The following ANKRD42 variants were observed in gnomAD, a reference collection of about 807,000 sequenced individuals.
ANKRD42 encodes the protein ankyrin repeat domain-containing protein 42.
A neutral mutation model predicts 51.5 loss-of-function variants in ANKRD42; 43 were observed. That is an observed-to-expected ratio of 0.83 (90% CI 0.65 to 1.08). The LOEUF is 1.08. ANKRD42 is among the 50% of genes least tolerant of loss of function. The pLI is 0.00. For missense variants in ANKRD42, 608 were observed against 629.3 expected (o/e 0.97, Z 0.36); for synonymous variants, 203 against 213.0 (o/e 0.95, Z 0.41).
At chr11:83,217,015 A>T (rs146458464) in intron 5 of ANKRD42, among the ~76,000 whole-genome samples, 1 of 150,924 alleles carries the variant, frequency 6.6e-6, no homozygotes, top group Non-Finnish European at 1.5e-5. Context: ...CAACAGGTCA[A>T]TCTGGGGGTC....
downstream of ANKRD42, chr11:83,256,119 C>T: frequency 2.4e-6 from 1 of 420,886 alleles, no homozygotes; most frequent in Non-Finnish European, 4.2e-6. Flanking sequence ...AGTTGTGCAC[C>T]TTCTCCCGAT....
At position 83,194,065 on chromosome 11, in the gene ANKRD42, G is replaced by T. The variant is rs551308618; in HGVS notation, c.-606G>T. On this transcript the variant is annotated 5_prime_UTR_variant, in exon 1 of 11. Transcript: ENST00000533342. Reference sequence around the variant, plus strand: ...TGAAAACCTCGGCCACTGCCGCAGCGTCTCTAGGGAGAGAGTTAGGGGAGA... The same window carrying T: ...TGAAAACCTCGGCCACTGCCGCAGCTTCTCTAGGGAGAGAGTTAGGGGAGA... 2.2e-6 allele frequency: 1 copy of T among 456,382 alleles called. No individual in the cohort carries two copies. Among genetic ancestry groups the T allele is most frequent in the Non-Finnish European group, 4.4e-6 (1 of 226,780 alleles). 28.3% of individuals were successfully genotyped at this position (456,382 alleles called of 1,614,324 possible). A position where few individuals can be genotyped will look rare whatever the true frequency, so the allele number is the denominator to read the frequency against.
downstream of ANKRD42, among the ~76,000 whole-genome samples, chr11:83,256,553 C>A (rs960450163): frequency 4.6e-5 from 7 of 151,946 alleles, no homozygotes; most frequent in African/African-American, 1.7e-4. Flanking sequence ...TTTCCTACCC[C>A]CCTCTCTTTT....
chr11:83,240,676 G>A (rs1202567654), intron 8 of ANKRD42, 83 bp from the exon 9 acceptor site: 1 of 1,487,230 alleles, frequency 6.7e-7, no homozygotes, highest in Non-Finnish European at 9.2e-7. Flanking sequence ...TGTACAGAGT[G>A]TAATCCCCTA....
At position 83,248,489 on chromosome 11, in the gene ANKRD42, A is replaced by G. The variant is rs1863610144; in HGVS notation, c.*285A>G. On this transcript the variant is annotated 3_prime_UTR_variant, in exon 11 of 11. Coordinates refer to ENST00000533342, the MANE Select transcript of ANKRD42 (RefSeq NM_001300975.2). ...TCAATCAGAATTCTAAGACAGCTAG[A>G]GGATATGTATATTTTAATATTCTAA... 9.2e-7 allele frequency: 1 copy of G among 1,086,564 alleles called. No individual in the cohort carries two copies. The allele number at this position is 1,086,564 out of a possible 1,614,324, so 67.3% of individuals were successfully genotyped here.
intron 9 of ANKRD42, among the ~76,000 whole-genome samples, chr11:83,243,658 T>A (rs1377101732): frequency 6.6e-6 from 1 of 152,040 alleles, no homozygotes; most frequent in African/African-American, 2.4e-5. Context: ...TATGTATGTA[T>A]GTATTTATTT....
chr11:83,250,003 A>G (rs560251670), downstream of ANKRD42, among the ~76,000 whole-genome samples: 4 of 152,264 alleles, frequency 2.6e-5, no homozygotes, highest in African/African-American at 7.2e-5. Flanking sequence ...TCCATTTTCT[A>G]TATTACAGAT....
rs771736349 is a variant in ANKRD42, at chr11:83,206,036, G to T, written c.223-22G>T. On this transcript the variant is annotated intron_variant, in intron 2 of 10. Coordinates refer to ENST00000533342, the MANE Select transcript of ANKRD42 (RefSeq NM_001300975.2). Reference sequence around the variant, plus strand: ...GTTAAAAACATCCACTTTATCACTTGTTAACATGGTTATTTTCTTAGTGTC... The same window carrying T: ...GTTAAAAACATCCACTTTATCACTTTTTAACATGGTTATTTTCTTAGTGTC... 6 of 1,589,984 alleles carry T rather than the reference G, an allele frequency of 3.8e-6. No homozygotes were observed. In the African/African-American group the frequency reaches 8.1e-5, roughly 21 times the overall value.
intron 7 of ANKRD42, among the ~76,000 whole-genome samples, chr11:83,230,309 TC>T (rs1863028637): frequency 6.6e-6 from 1 of 152,070 alleles, no homozygotes; most frequent in Non-Finnish European, 1.5e-5. Context: ...GCCTTGGTCT[TC>T]CAAAGTGCTA....
At position 83,228,252 on chromosome 11, in the gene ANKRD42, T is replaced by C. The variant is rs918983642; in HGVS notation, c.913+380T>C. Among the ~76,000 whole-genome samples the C allele has an allele frequency of 7.3e-4, 95 of 129,538 alleles. 1 individual carries two copies. In the Middle Eastern group the frequency reaches 0.011, roughly 15 times the overall value. The allele number at this position is 129,538 out of a possible 152,430, so 85.0% of individuals were successfully genotyped here. ...CTCTCTTTTTTTTTTTTTTTTTTTT[T>C]TTTTTTTTTTTTTTTTTAGACCGGG... On this transcript the variant is annotated intron_variant, in intron 7 of 10. Transcript: ENST00000533342.
At chr11:83,206,773 T>C (rs979307346) in intron 3 of ANKRD42, among the ~76,000 whole-genome samples, 6 of 152,232 alleles carry the variant, frequency 3.9e-5, no homozygotes, top group African/African-American at 1.4e-4. Context: ...GATATTTTGT[T>C]ATAGTAGTCC....
intron 5 of ANKRD42, among the ~76,000 whole-genome samples, chr11:83,222,660 T>G (rs1026683639): frequency 1.4e-4 from 22 of 152,108 alleles, no homozygotes; most frequent in African/African-American, 5.1e-4. Flanking sequence ...GAGGGAGGGA[T>G]GTGCGTGGTG....
intron 7 of ANKRD42, among the ~76,000 whole-genome samples, chr11:83,234,644 C>T (rs955401536): frequency 1.3e-5 from 2 of 152,176 alleles, no homozygotes; most frequent in African/African-American, 4.8e-5. Flanking sequence ...GGGCTAAATT[C>T]ATTCTGTCTC....
At position 83,248,576 on chromosome 11, in the gene ANKRD42, A is replaced by C. The variant is rs75371335; in HGVS notation, c.*372A>C. On this transcript the variant is annotated 3_prime_UTR_variant, in exon 11 of 11. Transcript: ENST00000533342. ...TTTCTTTCCATAGGGAAGTTTCTTCATCAATCATCATGGATGAATTAATTC... is the reference window on the plus strand; with the variant it reads ...TTTCTTTCCATAGGGAAGTTTCTTCCTCAATCATCATGGATGAATTAATTC... 4,797 of 990,218 alleles carry C rather than the reference A, an allele frequency of 4.8e-3. 120 individuals are homozygous for C. The African/African-American group carries it at 0.062, about 13-fold the overall frequency. The allele number at this position is 990,218 out of a possible 1,614,324, so 61.3% of individuals were successfully genotyped here.
At chr11:83,242,566 A>AGTTTTTTTTTTGTTT (rs144535611) in intron 9 of ANKRD42, among the ~76,000 whole-genome samples, 1 of 64,890 alleles carries the variant, frequency 1.5e-5, no homozygotes, top group Non-Finnish European at 3.1e-5. Context: ...ATGGTAGTTA[A>AGTTTTTTTTTTGTTT]GTTTTTTTTT....
At chr11:83,214,472 A>G (rs750044358) in intron 5 of ANKRD42, 9 of 979,444 alleles carry the variant, frequency 9.2e-6, no homozygotes, top group Non-Finnish European at 1.1e-5. Context: ...GTTTCTTTAA[A>G]CATGTATGAT....
chr11:83,213,544 G>T, intron 5 of ANKRD42: 1 of 1,255,690 alleles, frequency 8.0e-7, no homozygotes, highest in Non-Finnish European at 1.0e-6. Context: ...TTCACATATG[G>T]TATTATTAGT....
downstream of ANKRD42, among the ~76,000 whole-genome samples, chr11:83,251,224 A>T (rs1863669600): frequency 1.3e-5 from 2 of 152,090 alleles, no homozygotes; most frequent in Admixed American, 1.3e-4. Context: ...GAGCCATCTC[A>T]TTTATCACCC....
rs1003776373 is a variant in ANKRD42, at chr11:83,194,196, C to T, written c.-475C>T. On this transcript the variant is annotated 5_prime_UTR_variant, in exon 1 of 11. Coordinates refer to ENST00000533342, the MANE Select transcript of ANKRD42 (RefSeq NM_001300975.2). Reference sequence around the variant, plus strand: ...AAGTTGGAGGCCACCAAACTACCGACTCCAGGGGAACAGCCAGAGAAGACC... The same window carrying T: ...AAGTTGGAGGCCACCAAACTACCGATTCCAGGGGAACAGCCAGAGAAGACC... 4.6e-5 allele frequency: 21 copies of T among 458,872 alleles called. No individual in the cohort carries two copies. The highest frequency in any genetic ancestry group is 3.9e-5 in the Non-Finnish European group (9 of 228,624). 28.4% of individuals were successfully genotyped at this position (458,872 alleles called of 1,614,324 possible).
Sources: gnomAD v4.1 joint callset for allele counts (sites outside exome capture counted in the v4.1 genomes callset) on GRCh38, gnomAD v4.1.1 for gene constraint, MANE v1.5 for transcripts, NCBI Gene and HGNC (gene_info 2026-07-23, HGNC 2026-07-21) for gene names.